Variants in PTPRD observed in about 807,000 individuals in gnomAD.
PTPRD encodes protein tyrosine phosphatase receptor type D, also known as receptor-type tyrosine-protein phosphatase delta.
PTPRD carries 34 observed loss-of-function variants against 214.5 expected under a neutral mutation model. That is an observed-to-expected ratio of 0.16 (90% CI 0.12 to 0.21). PTPRD has a LOEUF of 0.21. PTPRD is among the 10% of genes least tolerant of loss of function. PTPRD has a pLI of 1.00. For missense variants in PTPRD, 2,545 were observed against 2,398.7 expected, an observed-to-expected ratio of 1.06 and a Z score of -1.27; for synonymous variants, 1,128 against 845.7, an observed-to-expected ratio of 1.33 and a Z score of -5.79.
chr9:9,129,219 A>T (rs1422906580), intron 10 of PTPRD, among the ~76,000 whole-genome samples: 1 of 152,104 alleles, frequency 6.6e-6, no homozygotes, highest in East Asian at 1.9e-4. Flanking sequence ...GCAAAAACCC[A>T]TCTCTACTAA....
intron 39 of PTPRD, among the ~76,000 whole-genome samples, chr9:8,346,856 A>G (rs1588262580): frequency 6.6e-6 from 1 of 152,268 alleles, no homozygotes; most frequent in Non-Finnish European, 1.5e-5. Flanking sequence ...TCAATCCTCT[A>G]TATGTACAAT....
chr9:9,453,742 A>T (rs1373208799), intron 8 of PTPRD, among the ~76,000 whole-genome samples: 1 of 151,710 alleles, frequency 6.6e-6, no homozygotes, highest in Non-Finnish European at 1.5e-5. Context: ...TTAATCTGAC[A>T]TTTTTGGATT....
chr9:9,692,381 A>T (rs2097289487), intron 7 of PTPRD, among the ~76,000 whole-genome samples: 1 of 151,958 alleles, frequency 6.6e-6, no homozygotes, highest in African/African-American at 2.4e-5. Flanking sequence ...TATTGAAGAG[A>T]CTGTCTTTTC....
chr9:8,854,114 C>A lies in PTPRD; in HGVS notation c.-103-120168G>T, dbSNP rs80128435. On this transcript the variant is annotated intron_variant, in intron 11 of 45. Coordinates refer to ENST00000381196, the MANE Select transcript of PTPRD (RefSeq NM_002839.4). ...CGTGACCACTAAGTTGAGTACACTACATAAAACGTAAAGTTTATTTTCGAG... is the reference window on the plus strand; with the variant it reads ...CGTGACCACTAAGTTGAGTACACTAAATAAAACGTAAAGTTTATTTTCGAG... Among the ~76,000 whole-genome samples, 15 of 151,292 alleles carry A rather than the reference C, an allele frequency of 9.9e-5. No individual in the cohort carries two copies. In the East Asian group the frequency reaches 2.9e-3, roughly 29 times the overall value.
intron 11 of PTPRD, among the ~76,000 whole-genome samples, chr9:8,739,251 G>C (rs902222139): frequency 1.3e-5 from 2 of 152,206 alleles, no homozygotes; most frequent in Admixed American, 6.5e-5. Flanking sequence ...CATGAAAAGA[G>C]AAGAGAACCC....
intron 4 of PTPRD, among the ~76,000 whole-genome samples, chr9:9,987,539 G>A (rs1207621279): frequency 6.6e-6 from 1 of 152,208 alleles, no homozygotes; most frequent in Admixed American, 6.5e-5. Flanking sequence ...CACGAGAACA[G>A]CACGGGAAAG....
intron 10 of PTPRD, among the ~76,000 whole-genome samples, chr9:9,083,992 T>C (rs2099763030): frequency 6.6e-6 from 1 of 152,194 alleles, no homozygotes; most frequent in Admixed American, 6.5e-5. Flanking sequence ...GAAGACAGTG[T>C]GGTGATTCCT....
At chr9:8,624,709 T>G (rs534568601) in intron 14 of PTPRD, among the ~76,000 whole-genome samples, 1 of 151,960 alleles carries the variant, frequency 6.6e-6, no homozygotes, top group South Asian at 2.1e-4. Context: ...ACATTCAGAC[T>G]TGAGTAATGT....
At chr9:9,116,805 C>T (rs1341165056) in intron 10 of PTPRD, among the ~76,000 whole-genome samples, 1 of 152,122 alleles carries the variant, frequency 6.6e-6, no homozygotes, top group East Asian at 1.9e-4. Context: ...ATTATTATCT[C>T]CTCCAGATAC....
intron 2 of PTPRD, among the ~76,000 whole-genome samples, chr9:10,493,281 G>A (rs1039524306): frequency 1.3e-5 from 2 of 151,926 alleles, no homozygotes; most frequent in African/African-American, 4.8e-5. Flanking sequence ...AAAAGAACCT[G>A]TATAGCCATA....
intron 3 of PTPRD, among the ~76,000 whole-genome samples, chr9:10,079,696 G>GTAAATC (rs1468779260): frequency 6.6e-6 from 1 of 152,112 alleles, no homozygotes; most frequent in African/African-American, 2.4e-5. Flanking sequence ...TTTCACAGCT[G>GTAAATC]TAAATCTTCG....
chr9:9,750,297 C>T (rs1449764609), intron 6 of PTPRD, among the ~76,000 whole-genome samples: 1 of 152,004 alleles, frequency 6.6e-6, no homozygotes, highest in Non-Finnish European at 1.5e-5. Context: ...ATTTTAAAAA[C>T]TGTCTTTGCT....
intron 11 of PTPRD, among the ~76,000 whole-genome samples, chr9:8,810,567 T>C (rs1286193126): frequency 6.6e-6 from 1 of 152,164 alleles, no homozygotes; most frequent in Non-Finnish European, 1.5e-5. Context: ...TTTCTCTTGA[T>C]TGGGCTTGGG....
At chr9:8,524,710 C>G (rs2097971708) in intron 18 of PTPRD, 3 of 664,958 alleles carry the variant, frequency 4.5e-6, no homozygotes, top group Admixed American at 2.4e-5. Flanking sequence ...CTTACAAACT[C>G]CAAGCCTCAG....
At chr9:9,891,324 C>T (rs2073246198) in intron 5 of PTPRD, among the ~76,000 whole-genome samples, 1 of 150,508 alleles carries the variant, frequency 6.6e-6, no homozygotes, top group African/African-American at 2.4e-5. Context: ...TAAAGAATAC[C>T]AAAGAGATAT....
At chr9:8,726,588 AATATATATATATATATAT>A (rs1162966341) in intron 12 of PTPRD, among the ~76,000 whole-genome samples, 3 of 9,688 alleles carry the variant, frequency 3.1e-4, no homozygotes, top group African/African-American at 1.2e-3. Context: ...AAAAAAAAAA[AATATATATATATATATAT>A]ATATATATAT....
At chr9:9,037,401 A>T (rs324516) in intron 10 of PTPRD, among the ~76,000 whole-genome samples, 44,515 of 152,060 alleles carry the variant, frequency 0.29, 7,567 homozygotes, top group Non-Finnish European at 0.37. Context: ...AGCAAACCTC[A>T]CCTTAATGTT....
intron 10 of PTPRD, among the ~76,000 whole-genome samples, chr9:9,049,412 T>G (rs924953447): frequency 6.6e-6 from 1 of 152,168 alleles, no homozygotes; most frequent in Non-Finnish European, 1.5e-5. Context: ...CCTCTTTATT[T>G]GAAGACAGGA....
chr9:10,441,084 A>C (rs558879632), intron 2 of PTPRD, among the ~76,000 whole-genome samples: 1 of 151,872 alleles, frequency 6.6e-6, no homozygotes, highest in South Asian at 2.1e-4. Flanking sequence ...CATCGTTTCC[A>C]ACCCAAATTT....
Sources: gnomAD v4.1 joint callset for allele counts (sites outside exome capture counted in the v4.1 genomes callset) on GRCh38, gnomAD v4.1.1 for gene constraint, MANE v1.5 for transcripts, NCBI Gene and HGNC (gene_info 2026-07-23, HGNC 2026-07-21) for gene names.